CNTNAP5: variants seen among roughly 807,000 people sequenced by gnomAD.
The protein encoded by CNTNAP5 is contactin associated protein family member 5.
CNTNAP5 carries 72 observed loss-of-function variants against 150.2 expected under a neutral mutation model. The observed-to-expected ratio is 0.48, with a 90% CI of 0.40 to 0.58. The LOEUF is 0.58. Ranked by LOEUF, CNTNAP5 falls within the 20% of genes least tolerant of loss-of-function variation. The probability of loss-of-function intolerance (pLI) is 0.00; values close to 1 mark genes in which losing one functional copy is unlikely to be tolerated. For synonymous variants in CNTNAP5, 672 were observed against 619.8 expected, an observed-to-expected ratio of 1.08 and a Z score of -1.25; for missense variants, 1,636 against 1,626.2, an observed-to-expected ratio of 1.01 and a Z score of -0.10.
chr2:124,340,233 G>A (rs114887610), intron 3 of CNTNAP5, among the ~76,000 whole-genome samples: 5,016 of 152,310 alleles, frequency 0.033, 151 homozygotes, highest in Non-Finnish European at 0.043. Context: ...TGCCAGGAAT[G>A]ACTAAGGACA....
chr2:124,451,208 C>T (rs1308798568), intron 6 of CNTNAP5, among the ~76,000 whole-genome samples: 2 of 149,984 alleles, frequency 1.3e-5, no homozygotes, highest in Non-Finnish European at 3.0e-5. Context: ...TTACAAAGTA[C>T]AAAATATATT....
chr2:124,200,521 G>A (rs1236574150), intron 1 of CNTNAP5, among the ~76,000 whole-genome samples: 1 of 150,976 alleles, frequency 6.6e-6, no homozygotes, highest in African/African-American at 2.4e-5. Context: ...CTTTTATTTT[G>A]AATTGTGGTA....
intron 1 of CNTNAP5, among the ~76,000 whole-genome samples, chr2:124,061,717 A>T (rs1285805915): frequency 6.6e-6 from 1 of 152,234 alleles, no homozygotes; most frequent in Non-Finnish European, 1.5e-5. Flanking sequence ...AGGCTACCTA[A>T]CTAAATAATA....
intron 13 of CNTNAP5, among the ~76,000 whole-genome samples, chr2:124,728,335 G>A (rs1002699051): frequency 1.3e-5 from 2 of 151,940 alleles, no homozygotes; most frequent in South Asian, 2.1e-4. Context: ...TTCAATTTAC[G>A]GAAGTAAGAG....
At chr2:124,207,901 C>T (rs548861540) in intron 1 of CNTNAP5, among the ~76,000 whole-genome samples, 1 of 152,286 alleles carries the variant, frequency 6.6e-6, no homozygotes, top group South Asian at 2.1e-4. Flanking sequence ...AATTACAGCA[C>T]TGAATACCTG....
intron 1 of CNTNAP5, among the ~76,000 whole-genome samples, chr2:124,136,803 G>A (rs1410843188): frequency 6.6e-6 from 1 of 152,262 alleles, no homozygotes; most frequent in East Asian, 1.9e-4. Flanking sequence ...TCTGCACATT[G>A]CTTAGACTGT....
intron 12 of CNTNAP5, among the ~76,000 whole-genome samples, chr2:124,644,905 T>C (rs960533274): frequency 2.7e-5 from 4 of 150,124 alleles, no homozygotes; most frequent in South Asian, 2.1e-4. Flanking sequence ...CACACACACA[T>C]ACACACACAC....
chr2:124,201,592 C>T (rs1685727575), intron 1 of CNTNAP5, among the ~76,000 whole-genome samples: 1 of 152,200 alleles, frequency 6.6e-6, no homozygotes, highest in East Asian at 1.9e-4. Flanking sequence ...GCTCACCATT[C>T]TGGTGTACAG....
At chr2:124,457,331 A>C (rs2104816656) in intron 6 of CNTNAP5, among the ~76,000 whole-genome samples, 2 of 152,360 alleles carry the variant, frequency 1.3e-5, no homozygotes, top group Middle Eastern at 6.8e-3. Flanking sequence ...GCTTTTGCAC[A>C]GCAAAAGGAA....
intron 6 of CNTNAP5, among the ~76,000 whole-genome samples, chr2:124,447,894 G>A (rs1158177137): frequency 6.6e-6 from 1 of 152,106 alleles, no homozygotes; most frequent in Non-Finnish European, 1.5e-5. Flanking sequence ...GTGTGTTTGA[G>A]TCAGCTTGTT....
intron 19 of CNTNAP5, among the ~76,000 whole-genome samples, chr2:124,855,038 C>T (rs1036714919): frequency 3.3e-5 from 5 of 151,876 alleles, no homozygotes; most frequent in African/African-American, 1.2e-4. Context: ...AGGGATACTG[C>T]GTGTTCAGGT....
At chr2:124,183,643 C>T (rs1432581090) in intron 1 of CNTNAP5, among the ~76,000 whole-genome samples, 1 of 152,186 alleles carries the variant, frequency 6.6e-6, no homozygotes, top group African/African-American at 2.4e-5. Context: ...TAATATATTT[C>T]ATTGCAACCC....
intron 4 of CNTNAP5, among the ~76,000 whole-genome samples, chr2:124,424,177 A>G (rs1356068539): frequency 6.6e-6 from 1 of 152,180 alleles, no homozygotes; most frequent in Non-Finnish European, 1.5e-5. Context: ...TTCCTCAGAT[A>G]AATACTCTTG....
At chr2:124,419,963 TC>T (rs1692052640) in intron 4 of CNTNAP5, among the ~76,000 whole-genome samples, 1 of 33,036 alleles carries the variant, frequency 3.0e-5, no homozygotes, top group Admixed American at 4.8e-4. Context: ...TTTCCTTTTC[TC>T]TCTCTCTCTT....
At chr2:124,872,766 G>A (rs1478823504) in intron 21 of CNTNAP5, among the ~76,000 whole-genome samples, 2 of 151,534 alleles carry the variant, frequency 1.3e-5, no homozygotes, top group East Asian at 1.9e-4. Context: ...CCTGCTCTGT[G>A]TAATGGAAGT....
chr2:124,721,504 A>C (rs528952165), intron 13 of CNTNAP5, among the ~76,000 whole-genome samples: 33 of 149,684 alleles, frequency 2.2e-4, no homozygotes, highest in East Asian at 5.8e-4. Context: ...TAAATAAATA[A>C]ATAAATACAT....
At chr2:124,235,316 T>C (rs1686721815) in intron 2 of CNTNAP5, among the ~76,000 whole-genome samples, 1 of 152,040 alleles carries the variant, frequency 6.6e-6, no homozygotes, top group Non-Finnish European at 1.5e-5. Context: ...CATCTAGCAC[T>C]CACAGCTGAA....
chr2:124,224,136 T>C (rs984634627), intron 2 of CNTNAP5, among the ~76,000 whole-genome samples: 2 of 152,088 alleles, frequency 1.3e-5, no homozygotes, highest in African/African-American at 2.4e-5. Flanking sequence ...AGCAAGGATA[T>C]TGATAAAGTG....
intron 1 of CNTNAP5, among the ~76,000 whole-genome samples, chr2:124,122,553 A>G (rs916192776): frequency 1.3e-5 from 2 of 152,144 alleles, no homozygotes; most frequent in African/African-American, 4.8e-5. Context: ...AATGAGTTTC[A>G]TTCAACTTTG....
Sources: gnomAD v4.1 joint callset for allele counts (sites outside exome capture counted in the v4.1 genomes callset) on GRCh38, gnomAD v4.1.1 for gene constraint, MANE v1.5 for transcripts, NCBI Gene and HGNC (gene_info 2026-07-23, HGNC 2026-07-21) for gene names.